DTNB: variants seen among roughly 807,000 people sequenced by gnomAD.
The protein encoded by DTNB is dystrobrevin beta.
A neutral mutation model predicts 90.7 loss-of-function variants in DTNB; 63 were observed. That is an observed-to-expected ratio of 0.69 (90% CI 0.57 to 0.86). DTNB has a LOEUF of 0.86. Among genes scored for constraint, DTNB ranks in the 40% least tolerant of loss-of-function variants. The pLI is 0.00. For synonymous variants in DTNB, 277 were observed against 286.7 expected (o/e 0.97, Z 0.34); for missense variants, 744 against 807.1 (o/e 0.92, Z 0.95).
chr2:25,538,381 G>C (rs1293362548), intron 8 of DTNB, among the ~76,000 whole-genome samples: 1 of 152,186 alleles, frequency 6.6e-6, no homozygotes, highest in East Asian at 1.9e-4. Context: ...TTCCAGCCTA[G>C]GTGACAGAGT....
intron 15 of DTNB, among the ~76,000 whole-genome samples, chr2:25,427,180 AAC>A (rs3041256): frequency 0.07 from 9,828 of 139,504 alleles, 312 homozygotes; most frequent in Middle Eastern, 0.11. Context: ...TCCATCTCAA[AAC>A]ACACACACAC....
At chr2:25,420,520 A>ATCTATCTGTCTGTCTG (rs869201592) in intron 15 of DTNB, among the ~76,000 whole-genome samples, 2 of 89,168 alleles carry the variant, frequency 2.2e-5, no homozygotes, top group African/African-American at 6.2e-5. Context: ...CTATCTATCT[A>ATCTATCTGTCTGTCTG]TCTGTCTGTC....
At chr2:25,412,704 C>T (rs1402142088) in intron 16 of DTNB, among the ~76,000 whole-genome samples, 1 of 152,150 alleles carries the variant, frequency 6.6e-6, no homozygotes, top group Non-Finnish European at 1.5e-5. Context: ...AAACAGAACC[C>T]CTTTCCTTGG....
At chr2:25,427,309 C>G (rs757094551) in intron 15 of DTNB, among the ~76,000 whole-genome samples, 1 of 152,024 alleles carries the variant, frequency 6.6e-6, no homozygotes, top group Non-Finnish European at 1.5e-5. Flanking sequence ...ATAAAAGCAA[C>G]TGCTCGAGAC....
chr2:25,607,938 G>C (rs566852813), intron 4 of DTNB, among the ~76,000 whole-genome samples: 63 of 152,304 alleles, frequency 4.1e-4, no homozygotes, highest in African/African-American at 1.5e-3. Context: ...TTAGGAACTG[G>C]AAAGACGAAA....
chr2:25,623,374 G>A (rs1207862151), intron 4 of DTNB, among the ~76,000 whole-genome samples: 1 of 152,216 alleles, frequency 6.6e-6, no homozygotes, highest in Admixed American at 6.5e-5. Context: ...CTGAAGTATA[G>A]AGTAACTTTT....
chr2:25,526,388 TATATA>T (rs1446874344), intron 9 of DTNB, among the ~76,000 whole-genome samples: 691 of 61,934 alleles, frequency 0.011, 15 homozygotes, highest in African/African-American at 0.047. Context: ...TATATATATA[TATATA>T]TATTTTTTTT....
chr2:25,629,803 T>C (rs2075278887), intron 3 of DTNB, among the ~76,000 whole-genome samples: 1 of 152,184 alleles, frequency 6.6e-6, no homozygotes, highest in Non-Finnish European at 1.5e-5. Flanking sequence ...GCCAACATCA[T>C]ACTTAATCAG....
chr2:25,650,909 C>T (rs974494180), intron 2 of DTNB, among the ~76,000 whole-genome samples: 15 of 151,656 alleles, frequency 9.9e-5, no homozygotes, highest in African/African-American at 3.6e-4. Context: ...TGCAGTCAGC[C>T]GAGATGGCGC....
At chr2:25,569,694 AACT>A (rs897631959) in intron 8 of DTNB, among the ~76,000 whole-genome samples, 3 of 152,214 alleles carry the variant, frequency 2.0e-5, no homozygotes, top group African/African-American at 7.2e-5. Flanking sequence ...CCACAATTAA[AACT>A]ACTTTCTCAA....
intron 12 of DTNB, among the ~76,000 whole-genome samples, chr2:25,445,324 G>A (rs2058232112): frequency 6.6e-6 from 1 of 152,070 alleles, no homozygotes. Flanking sequence ...TTCTTTCTCA[G>A]GCTTTTTCTT....
chr2:25,449,799 G>A (rs1260563687), intron 12 of DTNB, among the ~76,000 whole-genome samples: 1 of 139,578 alleles, frequency 7.2e-6, no homozygotes, highest in Non-Finnish European at 1.5e-5. Context: ...GTCTCGCTCT[G>A]TCACCCAGGG....
At chr2:25,407,922 T>C (rs2045626360) in intron 16 of DTNB, among the ~76,000 whole-genome samples, 1 of 152,134 alleles carries the variant, frequency 6.6e-6, no homozygotes, top group African/African-American at 2.4e-5. Flanking sequence ...AAAGCTGTTG[T>C]AATAAAAAAA....
intron 10 of DTNB, among the ~76,000 whole-genome samples, chr2:25,479,944 C>T (rs2064578659): frequency 6.6e-6 from 1 of 152,134 alleles, no homozygotes; most frequent in Non-Finnish European, 1.5e-5. Flanking sequence ...GCTGGCAAGA[C>T]GTGCTGGGCT....
intron 8 of DTNB, among the ~76,000 whole-genome samples, chr2:25,538,942 T>C (rs1343498901): frequency 1.3e-5 from 2 of 152,206 alleles, no homozygotes; most frequent in Non-Finnish European, 2.9e-5. Context: ...TCTTTGACTT[T>C]ATTATTTTAG....
At chr2:25,597,907 A>G (rs2064976647) in intron 5 of DTNB, among the ~76,000 whole-genome samples, 1 of 152,202 alleles carries the variant, frequency 6.6e-6, no homozygotes, top group Admixed American at 6.5e-5. Context: ...AACAGAAAAA[A>G]CAGAGGCAAA....
chr2:25,391,732 G>A (rs928796204), intron 16 of DTNB, among the ~76,000 whole-genome samples: 4 of 152,070 alleles, frequency 2.6e-5, no homozygotes, highest in African/African-American at 9.7e-5. Context: ...TCTATCAGAC[G>A]ACATTAGAAT....
rs576275471 is a variant in DTNB, at chr2:25,451,173, G to A, written c.1257+375C>T. Among the ~76,000 whole-genome samples, 67 of 152,260 alleles carry A rather than the reference G, an allele frequency of 4.4e-4. No homozygotes were observed. The South Asian group carries it at 0.012, about 27-fold the overall frequency. On this transcript the variant is annotated intron_variant, in intron 12 of 20. Transcript: ENST00000406818. ...CTTAGGACTTCATATGCACAATCAT[G>A]TCATCTTCAAATAAAGACTGCTTTA... is the stretch of plus-strand genomic sequence containing the variant.
chr2:25,524,024 CCCG>C (rs1240701407), intron 9 of DTNB, among the ~76,000 whole-genome samples: 1 of 151,792 alleles, frequency 6.6e-6, no homozygotes, highest in African/African-American at 2.4e-5. Flanking sequence ...GCCTCAGCCT[CCCG>C]AGTAGCTGGG....
Sources: gnomAD v4.1 joint callset for allele counts (sites outside exome capture counted in the v4.1 genomes callset) on GRCh38, gnomAD v4.1.1 for gene constraint, MANE v1.5 for transcripts, NCBI Gene and HGNC (gene_info 2026-07-23, HGNC 2026-07-21) for gene names.